The following FHIT variants were observed in gnomAD, a reference collection of about 807,000 sequenced individuals.
FHIT encodes fragile histidine triad diadenosine triphosphatase.
Under a neutral mutation model 17.9 loss-of-function variants are expected in FHIT, and 19 were observed. The observed-to-expected ratio is 1.06, with a 90% CI of 0.74 to 1.56. The LOEUF (loss-of-function observed/expected upper bound fraction) is 1.56. Ranked by LOEUF, FHIT falls within the 40% of genes most tolerant of loss-of-function variation. FHIT has a pLI of 0.00. For synonymous variants in FHIT, 81 were observed against 69.7 expected (o/e 1.16, Z -0.81); for missense variants, 248 against 189.2 (o/e 1.31, Z -1.82).
intron 7 of FHIT, among the ~76,000 whole-genome samples, chr3:59,974,399 A>C (rs1708318971): frequency 6.6e-6 from 1 of 152,198 alleles, no homozygotes; most frequent in Non-Finnish European, 1.5e-5. Context: ...TCATTTCTAC[A>C]ATTAAACACC....
In FHIT at chr3:59,910,770, G is replaced by A. The variant is rs185140084; in HGVS notation, c.348+11576C>T. ...GTAGGCAGGTATGAAAGTGGCTTAT[G>A]TATGTAAATAGGTTGCTGTTATCTT... is the stretch of plus-strand genomic sequence containing the variant. On this transcript the variant is annotated intron_variant, in intron 8 of 9. Transcript: ENST00000492590. Among the ~76,000 whole-genome samples the A allele has an allele frequency of 1.8e-4, 28 of 152,274 alleles. 1 individual carries two copies. The East Asian group carries it at 5.0e-3, about 27-fold the overall frequency.
intron 4 of FHIT, among the ~76,000 whole-genome samples, chr3:60,540,240 C>T (rs1449243649): frequency 6.6e-6 from 1 of 152,188 alleles, no homozygotes; most frequent in Non-Finnish European, 1.5e-5. Context: ...CTCTTTCCCC[C>T]ATACCTCACC....
At chr3:60,444,170 T>C (rs373707918) in intron 5 of FHIT, among the ~76,000 whole-genome samples, 12 of 151,978 alleles carry the variant, frequency 7.9e-5, no homozygotes, top group Non-Finnish European at 1.2e-4. Context: ...GTTAGAATGG[T>C]GATCATTAAA....
intron 8 of FHIT, among the ~76,000 whole-genome samples, chr3:59,844,335 T>G (rs1242567756): frequency 6.6e-6 from 1 of 152,194 alleles, no homozygotes; most frequent in Non-Finnish European, 1.5e-5. Flanking sequence ...CTATGTTGAA[T>G]ACAAGTGGTG....
intron 7 of FHIT, among the ~76,000 whole-genome samples, chr3:59,959,604 C>T (rs1205257835): frequency 6.6e-6 from 1 of 152,178 alleles, no homozygotes; most frequent in Non-Finnish European, 1.5e-5. Context: ...ATCCATCTCT[C>T]CACTCAGTCA....
chr3:61,176,998 AC>A (rs1190785991), intron 2 of FHIT, among the ~76,000 whole-genome samples: 10 of 152,020 alleles, frequency 6.6e-5, no homozygotes, highest in Non-Finnish European at 1.0e-4. Context: ...ACACGGTGAA[AC>A]CCCGTCTCTA....
chr3:61,136,689 C>T (rs770788807), intron 2 of FHIT, among the ~76,000 whole-genome samples: 1 of 152,184 alleles, frequency 6.6e-6, no homozygotes, highest in Non-Finnish European at 1.5e-5. Context: ...ATCCTGAGTT[C>T]CTCAAAGGCA....
rs545093185 is a variant in FHIT, at chr3:60,085,314, T to A, written c.104-71162A>T. ...TCCAGGTGCCTCTGATTTTTTGAGG[T>A]CTAGGTTCTTCCAAAGGCCCTACTA... is the stretch of plus-strand genomic sequence containing the variant. On this transcript the variant is annotated intron_variant, in intron 5 of 9. Coordinates refer to ENST00000492590, the MANE Select transcript of FHIT (RefSeq NM_002012.4). Among the ~76,000 whole-genome samples the A allele has an allele frequency of 1.3e-4, 20 of 152,214 alleles. No homozygotes were observed. In the South Asian group the frequency reaches 4.2e-3, roughly 32 times the overall value.
At chr3:61,238,634 T>G (rs2040291156) in intron 1 of FHIT, among the ~76,000 whole-genome samples, 1 of 152,170 alleles carries the variant, frequency 6.6e-6, no homozygotes, top group South Asian at 2.1e-4. Context: ...ACCAAGTCAT[T>G]TTTCCTCTTT....
intron 4 of FHIT, among the ~76,000 whole-genome samples, chr3:60,771,065 A>T (rs1273684735): frequency 6.6e-6 from 1 of 152,248 alleles, no homozygotes; most frequent in Non-Finnish European, 1.5e-5. Flanking sequence ...AGCCATAAGC[A>T]GTGAATGAAA....
intron 2 of FHIT, among the ~76,000 whole-genome samples, chr3:61,060,601 C>T (rs141240345): frequency 2.0e-4 from 31 of 152,362 alleles, no homozygotes; most frequent in African/African-American, 7.2e-4. Context: ...TATGGGCCAT[C>T]ATATCTTCTC....
At chr3:60,366,597 T>A (rs1380598361) in intron 5 of FHIT, among the ~76,000 whole-genome samples, 1 of 152,150 alleles carries the variant, frequency 6.6e-6, no homozygotes, top group Non-Finnish European at 1.5e-5. Flanking sequence ...CATGGGAGTA[T>A]GTTAGTGATG....
At chr3:59,985,277 G>A (rs1397037411) in intron 7 of FHIT, among the ~76,000 whole-genome samples, 1 of 152,064 alleles carries the variant, frequency 6.6e-6, no homozygotes, top group Non-Finnish European at 1.5e-5. Context: ...AGAATGCTCC[G>A]CCTTCCAAAT....
chr3:60,205,645 G>C (rs1327843784), intron 5 of FHIT, among the ~76,000 whole-genome samples: 2 of 152,104 alleles, frequency 1.3e-5, no homozygotes, highest in African/African-American at 4.8e-5. Flanking sequence ...TCATGTGTAC[G>C]GGAATGGGAT....
At chr3:60,716,602 T>C (rs2107952383) in intron 4 of FHIT, among the ~76,000 whole-genome samples, 1 of 152,298 alleles carries the variant, frequency 6.6e-6, no homozygotes, top group African/African-American at 2.4e-5. Flanking sequence ...TGCCTGAGAC[T>C]GTTTTATAGT....
chr3:60,797,178 T>G (rs1165874411), intron 4 of FHIT, among the ~76,000 whole-genome samples: 2 of 152,208 alleles, frequency 1.3e-5, no homozygotes, highest in Non-Finnish European at 2.9e-5. Context: ...TTGCCTCACA[T>G]AGACACAACC....
chr3:60,038,326 T>C (rs1236275492), intron 5 of FHIT, among the ~76,000 whole-genome samples: 2 of 152,212 alleles, frequency 1.3e-5, no homozygotes, highest in Non-Finnish European at 2.9e-5. Flanking sequence ...TGTTAACCAC[T>C]GCTGTAATTC....
chr3:59,949,412 C>T (rs897090658), intron 7 of FHIT, among the ~76,000 whole-genome samples: 2 of 152,222 alleles, frequency 1.3e-5, no homozygotes, highest in African/African-American at 4.8e-5. Context: ...ACCTATCTGG[C>T]ATTCCACTAA....
intron 5 of FHIT, among the ~76,000 whole-genome samples, chr3:60,474,510 G>C (rs1342184507): frequency 6.6e-6 from 1 of 152,064 alleles, no homozygotes; most frequent in African/African-American, 2.4e-5. Flanking sequence ...ATTTTTTATT[G>C]CAGTTTTTGA....
Sources: gnomAD v4.1 joint callset for allele counts (sites outside exome capture counted in the v4.1 genomes callset) on GRCh38, gnomAD v4.1.1 for gene constraint, MANE v1.5 for transcripts, NCBI Gene and HGNC (gene_info 2026-07-23, HGNC 2026-07-21) for gene names.